NCOA3: variants seen among roughly 807,000 people sequenced by gnomAD.
NCOA3 encodes CBP-interacting protein.
NCOA3 carries 51 observed loss-of-function variants against 158.8 expected under a neutral mutation model. That is an observed-to-expected ratio of 0.32 (90% confidence interval 0.26 to 0.41). The LOEUF (loss-of-function observed/expected upper bound fraction) is 0.41. Ranked by LOEUF, NCOA3 falls within the 10% of genes least tolerant of loss-of-function variation. The pLI, the probability that NCOA3 is intolerant of heterozygous loss-of-function variation, is 1.00. For missense variants in NCOA3, 1,510 were observed against 1,746.6 expected (o/e 0.86, Z 2.41); for synonymous variants, 537 against 592.4 (o/e 0.91, Z 1.36).
intron 2 of NCOA3, among the ~76,000 whole-genome samples, chr20:47,610,533 A>T (rs917938943): frequency 2.6e-5 from 4 of 152,158 alleles, no homozygotes; most frequent in Non-Finnish European, 4.4e-5. Flanking sequence ...AAACATTTTT[A>T]AAAAAGGATT....
At chr20:47,545,008 A>C (rs913123107) in intron 1 of NCOA3, among the ~76,000 whole-genome samples, 1 of 152,084 alleles carries the variant, frequency 6.6e-6, no homozygotes, top group African/African-American at 2.4e-5. Flanking sequence ...TAATAGTTAA[A>C]AGCTGGCTTG....
rs930155322 is a variant in NCOA3, at chr20:47,600,045, A to G, written c.-20+16784A>G. Among the ~76,000 whole-genome samples, 5 of 152,026 alleles carry G rather than the reference A, an allele frequency of 3.3e-5. No individual in the cohort carries two copies. In the South Asian group the frequency reaches 6.2e-4, roughly 19 times the overall value. Reference sequence around the variant, plus strand: ...AGGACTAGTTAGTTAAGTGCAGTATATACAAGTAGAAAAGCTCCAATTATT... The same window carrying G: ...AGGACTAGTTAGTTAAGTGCAGTATGTACAAGTAGAAAAGCTCCAATTATT... On this transcript the variant is annotated intron_variant, in intron 2 of 22. Transcript: ENST00000371998.
chr20:47,593,134 T>C (rs1431838206), intron 2 of NCOA3, among the ~76,000 whole-genome samples: 2 of 152,046 alleles, frequency 1.3e-5, no homozygotes, highest in African/African-American at 2.4e-5. Context: ...AGTTTCACCA[T>C]GTTGGCCAGG....
intron 1 of NCOA3, among the ~76,000 whole-genome samples, chr20:47,546,028 T>C (rs2084822428): frequency 6.6e-6 from 1 of 152,208 alleles, no homozygotes; most frequent in Non-Finnish European, 1.5e-5. Flanking sequence ...ATATTGTTTA[T>C]GTGAGATAAA....
chr20:47,519,151 A>G (rs538785426), intron 1 of NCOA3, among the ~76,000 whole-genome samples: 4 of 144,970 alleles, frequency 2.8e-5, no homozygotes, highest in Non-Finnish European at 6.1e-5. Flanking sequence ...AAAAAAAGAA[A>G]AAGCCAGGCA....
At chr20:47,512,938 C>T (rs1190276082) in intron 1 of NCOA3, among the ~76,000 whole-genome samples, 1 of 152,084 alleles carries the variant, frequency 6.6e-6, no homozygotes, top group Non-Finnish European at 1.5e-5. Flanking sequence ...TGGGGGATCA[C>T]TTGAGATCAG....
chr20:47,638,998 T>C lies in NCOA3; in HGVS notation c.2513-10T>C. On this transcript the variant is annotated splice_polypyrimidine_tract_variant and intron_variant, in intron 13 of 22. Transcript: ENST00000371998. ...CACGAAGAAATGTTTTTGTATTGTG[T>C]TTTCAACAGGTTTGAAAAGTTCACA... 6.3e-7 allele frequency: 1 copy of C among 1,577,804 alleles called. No homozygotes were observed. Among genetic ancestry groups the C allele is most frequent in the Non-Finnish European group, 8.6e-7 (1 of 1,160,932 alleles).
intron 2 of NCOA3, among the ~76,000 whole-genome samples, chr20:47,598,106 G>A (rs1003105482): frequency 4.0e-5 from 6 of 151,182 alleles, no homozygotes; most frequent in East Asian, 2.1e-4. Flanking sequence ...AATTAGCCAG[G>A]CGTGGTGGCG....
intron 18 of NCOA3, among the ~76,000 whole-genome samples, chr20:47,648,774 CACTTT>C (rs1259960012): frequency 1.3e-5 from 2 of 152,178 alleles, no homozygotes; most frequent in Non-Finnish European, 2.9e-5. Flanking sequence ...TGCAAAATTG[CACTTT>C]ACTTTTTTTT....
At position 47,607,632 on chromosome 20, in the gene NCOA3, T is replaced by G. The variant is rs2085968842; in HGVS notation, c.-19-14597T>G. On this transcript the variant is annotated intron_variant, in intron 2 of 22. Transcript: ENST00000371998. Reference sequence around the variant, plus strand: ...ATATTTCTGATTTTCTCTTGTTAATTTGTCTTTTGTTAAGGGGTCTGACCC... The same window carrying G: ...ATATTTCTGATTTTCTCTTGTTAATGTGTCTTTTGTTAAGGGGTCTGACCC... Among the ~76,000 whole-genome samples the G allele has an allele frequency of 2.0e-5, 3 of 152,188 alleles. No individual in the cohort carries two copies. The South Asian group carries it at 6.2e-4, about 31-fold the overall frequency.
intron 1 of NCOA3, among the ~76,000 whole-genome samples, chr20:47,542,399 GT>G (rs1337789827): frequency 6.6e-6 from 1 of 152,008 alleles, no homozygotes; most frequent in Non-Finnish European, 1.5e-5. Context: ...TGGTTTTTCA[GT>G]GTGTCCTCTG....
intron 1 of NCOA3, among the ~76,000 whole-genome samples, chr20:47,570,699 A>C (rs1028825246): frequency 1.3e-5 from 2 of 152,018 alleles, no homozygotes; most frequent in African/African-American, 4.8e-5. Context: ...TAGAATGGTA[A>C]ATCTTTACCA....
intron 1 of NCOA3, among the ~76,000 whole-genome samples, chr20:47,582,481 G>A (rs2085468757): frequency 6.6e-6 from 1 of 152,170 alleles, no homozygotes; most frequent in Non-Finnish European, 1.5e-5. Flanking sequence ...CCAAAGTGCT[G>A]GGATTCGAGG....
chr20:47,502,308 T>C (rs72661170), intron 1 of NCOA3, among the ~76,000 whole-genome samples: 1 of 151,314 alleles, frequency 6.6e-6, no homozygotes, highest in Non-Finnish European at 1.5e-5. Context: ...ACCCGAGGAG[T>C]TTGCGGGGGG....
intron 2 of NCOA3, among the ~76,000 whole-genome samples, chr20:47,586,941 C>T (rs2085545022): frequency 6.6e-6 from 1 of 152,226 alleles, no homozygotes; most frequent in East Asian, 1.9e-4. Context: ...CCAGATTTCT[C>T]CACCATTTGG....
rs561066070 is a variant in NCOA3, at chr20:47,546,573, C to T, written c.-98-36610C>T. Among the ~76,000 whole-genome samples the T allele has an allele frequency of 1.4e-4, 21 of 147,520 alleles. No individual in the cohort carries two copies. In the South Asian group the frequency reaches 4.0e-3, roughly 28 times the overall value. Reference sequence around the variant, plus strand: ...TAAGACCGAATTTCCCTCTTGTTGCCTAGGCTGAAGTGCAGTGGCGCAGTC... The same window carrying T: ...TAAGACCGAATTTCCCTCTTGTTGCTTAGGCTGAAGTGCAGTGGCGCAGTC... On this transcript the variant is annotated intron_variant, in intron 1 of 22. Coordinates refer to ENST00000371998, the MANE Select transcript of NCOA3 (RefSeq NM_181659.3).
intron 1 of NCOA3, among the ~76,000 whole-genome samples, chr20:47,512,697 G>T (rs985308941): frequency 6.6e-6 from 1 of 151,994 alleles, no homozygotes; most frequent in Non-Finnish European, 1.5e-5. Flanking sequence ...AAACTACAAT[G>T]AGATACCACT....
At chr20:47,650,848 G>T in intron 19 of NCOA3, 134 bp from the exon 20 acceptor site, 1 of 844,464 alleles carries the variant, frequency 1.2e-6, no homozygotes. Context: ...GGGCGACAGA[G>T]TGAGACCCTG....
intron 1 of NCOA3, among the ~76,000 whole-genome samples, chr20:47,570,031 A>C (rs897740456): frequency 5.8e-4 from 88 of 150,522 alleles, no homozygotes; most frequent in African/African-American, 1.9e-3. Flanking sequence ...CAAAAAAAAA[A>C]CCCTGCGGCT....
Sources: gnomAD v4.1 joint callset for allele counts (sites outside exome capture counted in the v4.1 genomes callset) on GRCh38, gnomAD v4.1.1 for gene constraint, MANE v1.5 for transcripts, NCBI Gene and HGNC (gene_info 2026-07-23, HGNC 2026-07-21) for gene names.